The following CBFA2T2 variants were observed in gnomAD, a reference collection of about 807,000 sequenced individuals.
CBFA2T2 encodes the protein CBFA2/RUNX1 partner transcriptional co-repressor 2, also known as protein CBFA2T2.
A neutral mutation model predicts 62.2 loss-of-function variants in CBFA2T2; 11 were observed. That is an observed-to-expected ratio of 0.18 (90% CI 0.11 to 0.29). The LOEUF (loss-of-function observed/expected upper bound fraction) is 0.29. Among genes scored for constraint, CBFA2T2 ranks in the 10% least tolerant of loss-of-function variants. The pLI is 1.00. For synonymous variants in CBFA2T2, 295 were observed against 287.5 expected, an observed-to-expected ratio of 1.03 and a Z score of -0.27; for missense variants, 592 against 774.1, an observed-to-expected ratio of 0.76 and a Z score of 2.79.
intron 1 of CBFA2T2, among the ~76,000 whole-genome samples, chr20:33,491,618 C>CCATT (rs2011146958): frequency 6.6e-6 from 1 of 152,018 alleles, no homozygotes; most frequent in Admixed American, 6.6e-5. Flanking sequence ...ATGGTTTGAT[C>CCATT]CATTCCTCAT....
chr20:33,511,937 G>A (rs1189860115), intron 1 of CBFA2T2, among the ~76,000 whole-genome samples: 2 of 152,176 alleles, frequency 1.3e-5, no homozygotes, highest in Non-Finnish European at 2.9e-5. Flanking sequence ...CAGCACTTTG[G>A]AAGGCCAAGG....
intron 1 of CBFA2T2, among the ~76,000 whole-genome samples, chr20:33,521,108 G>T (rs529542683): frequency 6.6e-6 from 1 of 150,954 alleles, no homozygotes. Context: ...TAAGGCTTTA[G>T]GGGGAGAAGA....
intron 1 of CBFA2T2, among the ~76,000 whole-genome samples, chr20:33,552,560 A>AT (rs535187150): frequency 1.3e-5 from 2 of 152,202 alleles, no homozygotes; most frequent in Non-Finnish European, 2.9e-5. Context: ...AATTCTAAAC[A>AT]TTTTTTTGAG....
chr20:33,604,013 T>G (rs887606134), intron 1 of CBFA2T2, among the ~76,000 whole-genome samples: 2 of 152,144 alleles, frequency 1.3e-5, no homozygotes, highest in Non-Finnish European at 2.9e-5. Context: ...TAGATCTCAC[T>G]CCATGAAGGG....
chr20:33,578,717 A>G (rs1346319535), intron 1 of CBFA2T2, among the ~76,000 whole-genome samples: 2 of 152,330 alleles, frequency 1.3e-5, no homozygotes, highest in East Asian at 1.9e-4. Context: ...CTTTGGCATA[A>G]GGCCCACTCT....
intron 1 of CBFA2T2, among the ~76,000 whole-genome samples, chr20:33,492,582 A>C (rs986220845): frequency 4.0e-5 from 6 of 151,806 alleles, no homozygotes; most frequent in Non-Finnish European, 8.8e-5. Context: ...TGGCGTCATC[A>C]TGGCCCACAG....
intron 10 of CBFA2T2, among the ~76,000 whole-genome samples, chr20:33,643,206 A>G (rs1209842878): frequency 6.6e-6 from 1 of 152,192 alleles, no homozygotes; most frequent in Non-Finnish European, 1.5e-5. Flanking sequence ...TCCCTCTCAT[A>G]CTGGCAGTAT....
intron 1 of CBFA2T2, among the ~76,000 whole-genome samples, chr20:33,521,537 C>T (rs575519985): frequency 3.3e-5 from 5 of 152,286 alleles, no homozygotes; most frequent in African/African-American, 1.2e-4. Context: ...GATGGAAATG[C>T]TGACCTGGGC....
Position 33,611,369 on chromosome 20 carries a change from T to C in CBFA2T2, c.420+34T>C, listed in dbSNP as rs1395374276. ...AGCCTCACTGTTGTTCTCAGCTGCCTGAGTATGTGGCTCAGGTCCAAAGCG... is the reference window on the plus strand; with the variant it reads ...AGCCTCACTGTTGTTCTCAGCTGCCCGAGTATGTGGCTCAGGTCCAAAGCG... On this transcript the variant is annotated intron_variant, in intron 3 of 10. Coordinates refer to ENST00000342704, the MANE Select transcript of CBFA2T2 (RefSeq NM_001032999.3). The C allele has an allele frequency of 3.1e-6, 5 of 1,607,252 alleles. No homozygotes were observed. The African/African-American group carries it at 6.7e-5, about 21-fold the overall frequency.
intron 1 of CBFA2T2, among the ~76,000 whole-genome samples, chr20:33,564,027 C>T (rs1274190843): frequency 6.7e-6 from 1 of 149,658 alleles, no homozygotes; most frequent in African/African-American, 2.4e-5. Flanking sequence ...TGAAATTGTT[C>T]CCCCCACTCC....
chr20:33,545,678 G>A (rs13045068), intron 1 of CBFA2T2, among the ~76,000 whole-genome samples: 4 of 151,710 alleles, frequency 2.6e-5, no homozygotes, highest in Non-Finnish European at 5.9e-5. Flanking sequence ...AACTCCTGAC[G>A]TCAGGTTATC....
At chr20:33,514,209 T>G (rs1402943711) in intron 1 of CBFA2T2, among the ~76,000 whole-genome samples, 1 of 120,624 alleles carries the variant, frequency 8.3e-6, no homozygotes, top group Admixed American at 8.2e-5. Flanking sequence ...TGCCTTTGTT[T>G]TTTTTTTTTT....
intron 1 of CBFA2T2, among the ~76,000 whole-genome samples, chr20:33,578,539 T>TGTC (rs1334250908): frequency 6.6e-6 from 1 of 152,220 alleles, no homozygotes; most frequent in African/African-American, 2.4e-5. Flanking sequence ...TACTCTGAGG[T>TGTC]GTCCCACAAG....
At chr20:33,532,227 G>C (rs911422566) in intron 1 of CBFA2T2, among the ~76,000 whole-genome samples, 1 of 152,186 alleles carries the variant, frequency 6.6e-6, no homozygotes, top group Non-Finnish European at 1.5e-5. Context: ...GAGTATGACA[G>C]TACTTAACCT....
At chr20:33,538,543 A>AT (rs2012327389) in intron 1 of CBFA2T2, among the ~76,000 whole-genome samples, 1 of 151,884 alleles carries the variant, frequency 6.6e-6, no homozygotes, top group East Asian at 1.9e-4. Context: ...GGCTAATTGT[A>AT]TTTTTAGTAG....
chr20:33,497,707 G>A (rs1387378348), intron 1 of CBFA2T2, among the ~76,000 whole-genome samples: 6 of 151,760 alleles, frequency 4.0e-5, no homozygotes, highest in Admixed American at 1.3e-4. Flanking sequence ...ACGCCACCAC[G>A]CCCAGCTAAT....
At chr20:33,552,966 TGTC>T (rs1383364064) in intron 1 of CBFA2T2, among the ~76,000 whole-genome samples, 1 of 152,238 alleles carries the variant, frequency 6.6e-6, no homozygotes, top group East Asian at 1.9e-4. Context: ...TCAGAGATTA[TGTC>T]TATATAGCAC....
intron 1 of CBFA2T2, among the ~76,000 whole-genome samples, chr20:33,505,642 G>A (rs192816556): frequency 1.2e-3 from 181 of 152,198 alleles, no homozygotes; most frequent in African/African-American, 4.1e-3. Context: ...TTAGCCAGGC[G>A]TGGTGGTGCA....
chr20:33,494,269 A>ATTTTTTTTTTTTT (rs1568783071), intron 1 of CBFA2T2, among the ~76,000 whole-genome samples: 2 of 30,758 alleles, frequency 6.5e-5, no homozygotes, highest in Admixed American at 5.6e-4. Context: ...ATATATATAT[A>ATTTTTTTTTTTTT]TATATTTTTT....
Sources: gnomAD v4.1 joint callset for allele counts (sites outside exome capture counted in the v4.1 genomes callset) on GRCh38, gnomAD v4.1.1 for gene constraint, MANE v1.5 for transcripts, NCBI Gene and HGNC (gene_info 2026-07-23, HGNC 2026-07-21) for gene names.